The following TLN2 variants were observed in gnomAD, a reference collection of about 807,000 sequenced individuals.
TLN2 encodes talin-2.
Under a neutral mutation model 294.7 loss-of-function variants are expected in TLN2, and 118 were observed. The ratio of observed to expected loss-of-function variants is 0.40; its 90% CI spans 0.34 to 0.47. The LOEUF is 0.47. TLN2 is among the 20% of genes least tolerant of loss of function. The pLI, the probability that TLN2 is intolerant of heterozygous loss-of-function variation, is 0.84. For missense variants in TLN2, 3,083 were observed against 3,282.2 expected (o/e 0.94, Z 1.48); for synonymous variants, 1,431 against 1,304.5 (o/e 1.10, Z -2.09).
chr15:62,716,541 G>T, intron 23 of TLN2, 82 bp downstream of exon 23: 1 of 1,480,374 alleles, frequency 6.8e-7, no homozygotes, highest in Non-Finnish European at 9.0e-7. Context: ...TTAACAAGGT[G>T]TTGACAATAT....
chr15:62,588,673 TA>T (rs2045840833), intron 1 of TLN2, among the ~76,000 whole-genome samples: 1 of 67,834 alleles, frequency 1.5e-5, no homozygotes, highest in African/African-American at 6.8e-5. Flanking sequence ...TTCATATATA[TA>T]TATATATATA....
intron 12 of TLN2, among the ~76,000 whole-genome samples, chr15:62,691,089 TTTC>T (rs1191663082): frequency 6.6e-6 from 1 of 150,936 alleles, no homozygotes; most frequent in African/African-American, 2.4e-5. Context: ...CTTCTTAAGA[TTTC>T]TTCTATTTGG....
At chr15:62,500,839 C>T (rs1386368380) in intron 1 of TLN2, among the ~76,000 whole-genome samples, 9 of 152,154 alleles carry the variant, frequency 5.9e-5, no homozygotes, top group East Asian at 1.9e-4. Context: ...CAGTTAAAGA[C>T]GCAGAAGAAA....
At chr15:62,806,492 G>A (rs1356016471) in intron 51 of TLN2, among the ~76,000 whole-genome samples, 1 of 152,188 alleles carries the variant, frequency 6.6e-6, no homozygotes, top group Non-Finnish European at 1.5e-5. Context: ...CACTAGGAGA[G>A]GTGTTGCCAT....
chr15:62,666,415 A>G (rs988117545), intron 9 of TLN2, among the ~76,000 whole-genome samples: 4 of 152,220 alleles, frequency 2.6e-5, no homozygotes, highest in Non-Finnish European at 5.9e-5. Context: ...CCTTGTGAGG[A>G]CACAGCCTTT....
chr15:62,694,751 C>T (rs1016460259), intron 14 of TLN2, among the ~76,000 whole-genome samples: 6 of 152,158 alleles, frequency 3.9e-5, no homozygotes, highest in African/African-American at 1.4e-4. Context: ...CTGTTTGATT[C>T]TGGCCCCTTT....
chr15:62,491,232 G>A (rs1281783548), intron 1 of TLN2, among the ~76,000 whole-genome samples: 1 of 151,898 alleles, frequency 6.6e-6, no homozygotes, highest in Non-Finnish European at 1.5e-5. Flanking sequence ...TGAGGCAGGA[G>A]AATCATGTTG....
intron 1 of TLN2, among the ~76,000 whole-genome samples, chr15:62,400,250 C>T (rs1021937322): frequency 6.6e-6 from 1 of 152,220 alleles, no homozygotes; most frequent in Non-Finnish European, 1.5e-5. Flanking sequence ...CCATGCTGAA[C>T]TGTGACTCAA....
At chr15:62,828,474 T>C (rs1331077630) in intron 54 of TLN2, 1 of 152,384 alleles carries the variant, frequency 6.6e-6, no homozygotes, top group East Asian at 1.9e-4. Flanking sequence ...ATCTGTTCAC[T>C]CTTTTTCCCA....
chr15:62,471,490 C>G (rs1436514748), intron 1 of TLN2, among the ~76,000 whole-genome samples: 1 of 152,182 alleles, frequency 6.6e-6, no homozygotes, highest in East Asian at 1.9e-4. Flanking sequence ...AGTGTGCTAC[C>G]CCAGCCGCAC....
At chr15:62,670,204 C>CTGA (rs2140995976) in intron 9 of TLN2, among the ~76,000 whole-genome samples, 1 of 152,292 alleles carries the variant, frequency 6.6e-6, no homozygotes, top group South Asian at 2.1e-4. Context: ...GTCTCTGTTG[C>CTGA]TGATGGAGGA....
chr15:62,797,387 C>T lies in TLN2; in HGVS notation c.6219C>T (p.Asp2073=), dbSNP rs752610440. 1.6e-5 allele frequency: 25 copies of T among 1,603,782 alleles called. No homozygotes were observed. Among genetic ancestry groups the T allele is most frequent in the South Asian group, 4.4e-5 (4 of 90,108 alleles). Residue 2073 remains aspartate, a synonymous_variant, in exon 48 of 59, where the codon GAC becomes GAT. Transcript: ENST00000636159. The part of the protein sequence containing the change: ...VKLGAASLGS[D]DPETQVVLIN... ...TGGGGGCAGCCAGCCTGGGCTCCGACGACCCCGAGACCCAGGTACCAGCAG... is the reference window on the plus strand; with the variant it reads ...TGGGGGCAGCCAGCCTGGGCTCCGATGACCCCGAGACCCAGGTACCAGCAG...
intron 1 of TLN2, among the ~76,000 whole-genome samples, chr15:62,419,983 A>G (rs890019505): frequency 2.6e-5 from 4 of 152,170 alleles, no homozygotes; most frequent in Non-Finnish European, 4.4e-5. Context: ...TTACTTCCTC[A>G]AAGATGGGCT....
At chr15:62,573,137 G>A (rs1393025619) in intron 1 of TLN2, among the ~76,000 whole-genome samples, 1 of 152,096 alleles carries the variant, frequency 6.6e-6, no homozygotes, top group Non-Finnish European at 1.5e-5. Flanking sequence ...CCTGAGCCAG[G>A]TGTGGTTTCC....
intron 1 of TLN2, among the ~76,000 whole-genome samples, chr15:62,497,548 C>T (rs1317644269): frequency 1.3e-5 from 2 of 152,204 alleles, no homozygotes; most frequent in East Asian, 3.9e-4. Context: ...CCTAATCCAG[C>T]AGGCATTTTT....
At chr15:62,654,633 T>A (rs1385109058) in intron 7 of TLN2, among the ~76,000 whole-genome samples, 1 of 151,646 alleles carries the variant, frequency 6.6e-6, no homozygotes, top group Non-Finnish European at 1.5e-5. Context: ...CGCATGCCTG[T>A]AATCCCAACT....
chr15:62,491,967 A>AG (rs1285710358), intron 1 of TLN2, among the ~76,000 whole-genome samples: 1 of 152,204 alleles, frequency 6.6e-6, no homozygotes, highest in Admixed American at 6.5e-5. Context: ...GGCAGGGAGC[A>AG]GGGAGTATTA....
intron 1 of TLN2, among the ~76,000 whole-genome samples, chr15:62,403,021 C>G (rs534043445): frequency 6.6e-6 from 1 of 152,188 alleles, no homozygotes; most frequent in Non-Finnish European, 1.5e-5. Flanking sequence ...GGGCGGATCA[C>G]GAGGTCTGGA....
chr15:62,645,160 C>T (rs1467240839), intron 3 of TLN2: 1 of 153,502 alleles, frequency 6.5e-6, no homozygotes, highest in Admixed American at 6.4e-5. Flanking sequence ...TTATTTCCCC[C>T]AATCGGGGAG....
Sources: allele counts gnomAD v4.1 joint callset (sites outside exome capture counted in the v4.1 genomes callset), GRCh38; gene constraint gnomAD v4.1.1; transcripts MANE v1.5; gene names NCBI Gene and HGNC (gene_info 2026-07-23, HGNC 2026-07-21).